DRC1: variants seen among roughly 807,000 people sequenced by gnomAD.
DRC1 encodes dynein regulatory complex protein 1.
In DRC1, 74 loss-of-function variants were observed where a neutral mutation model predicts 98.7. The observed-to-expected ratio is 0.75, with a 90% CI of 0.62 to 0.91. The LOEUF (loss-of-function observed/expected upper bound fraction) is 0.91. Ranked by LOEUF, DRC1 falls within the 40% of genes least tolerant of loss-of-function variation. The probability of loss-of-function intolerance (pLI) is 0.00; values close to 1 mark genes in which losing one functional copy is unlikely to be tolerated. For missense variants in DRC1, 875 were observed against 886.0 expected (o/e 0.99, Z 0.16); for synonymous variants, 336 against 334.1 (o/e 1.01, Z -0.06).
chr2:26,426,927 C>T (rs1663299563), intron 4 of DRC1, among the ~76,000 whole-genome samples: 1 of 152,096 alleles, frequency 6.6e-6, no homozygotes, highest in Non-Finnish European at 1.5e-5. Context: ...TTTATATCTT[C>T]TCTGATTTCT....
chr2:26,404,877 G>A (rs558036083), intron 1 of DRC1, among the ~76,000 whole-genome samples: 2 of 152,306 alleles, frequency 1.3e-5, no homozygotes, highest in South Asian at 2.1e-4. Context: ...CTCTAAGTGG[G>A]TGGGAGCATG....
chr2:26,421,557 C>CTTT lies in DRC1; in HGVS notation c.356+175_356+177dup, dbSNP rs397873833. 6.3e-4 allele frequency among the ~76,000 whole-genome samples: 76 copies of CTTT among 120,092 alleles called. 1 individual carries two copies. The highest frequency in any genetic ancestry group is 4.8e-3 in the Middle Eastern group (1 of 208). 78.8% of individuals were successfully genotyped at this position (120,092 alleles called of 152,430 possible). On this transcript the variant is annotated intron_variant, in intron 3 of 16. Transcript: ENST00000288710. The stretch of plus-strand genomic sequence containing the variant: ...TCCCTCCCTCCTCTTCTTTCTCTCT[C>CTTT]TTTTTTTTTTTTTTTTTTTTGAGAC...
intron 1 of DRC1, among the ~76,000 whole-genome samples, chr2:26,407,618 G>A (rs1678468295): frequency 6.6e-6 from 1 of 151,808 alleles, no homozygotes; most frequent in Admixed American, 6.6e-5. Flanking sequence ...ATGACAAAAG[G>A]CCAGAAGACT....
Position 26,453,493 on chromosome 2 carries a change from C to T in DRC1, c.1863C>T (p.His621=). The stretch of plus-strand genomic sequence containing the variant: ...CCCCACCCTCCCCCTGGGTCATCCA[C>T]CCCAATGATGTCCTCAAGATTCTGG... ...EETPPSPWVI[H]PNDVLKILEA... The change falls in exon 14 of 17, where the codon CAC becomes CAT. Residue 621 remains histidine, a synonymous_variant. Transcript: ENST00000288710. 6.2e-7 allele frequency: 1 copy of T among 1,614,162 alleles called. No individual in the cohort carries two copies. Among genetic ancestry groups the T allele is most frequent in the Non-Finnish European group, 8.5e-7 (1 of 1,180,038 alleles).
intron 2 of DRC1, among the ~76,000 whole-genome samples, chr2:26,416,203 A>T (rs1678797803): frequency 6.6e-6 from 1 of 152,084 alleles, no homozygotes; most frequent in African/African-American, 2.4e-5. Flanking sequence ...ATTAGTTCTG[A>T]CCTAAGATCT....
chr2:26,424,415 CT>C lies in DRC1; in HGVS notation c.503del (p.Leu168Ter), dbSNP rs1663230417. On this transcript the variant is annotated frameshift_variant, in exon 4 of 17. Coordinates refer to ENST00000288710, the MANE Select transcript of DRC1 (RefSeq NM_145038.5). LOFTEE classifies it high-confidence loss of function. Reference protein sequence around the residue: ...NTQQLHCAGLLEDKNKLISEL... With the variant: ...NTQQLHCAGLXEDKNKLISEL... Reference sequence around the variant, plus strand: ...CCCAACAGCTGCACTGTGCTGGACTCTTAGAAGATAAGAATAAACTCATCAG... The same window carrying C: ...CCCAACAGCTGCACTGTGCTGGACTCTAGAAGATAAGAATAAACTCATCAG... The C allele has an allele frequency of 6.2e-7, 1 of 1,613,026 alleles. No individual in the cohort carries two copies. Among genetic ancestry groups the C allele is most frequent in the Non-Finnish European group, 8.5e-7 (1 of 1,179,608 alleles).
At chr2:26,430,701 T>G (rs1663411401) in intron 5 of DRC1, 85 bp from the exon 6 acceptor site, 1 of 1,404,386 alleles carries the variant, frequency 7.1e-7, no homozygotes, top group Admixed American at 1.7e-5. Context: ...GATATGGCAC[T>G]TATAGTTACC....
intron 13 of DRC1, 99 bp from the exon 14 acceptor site, chr2:26,453,221 C>T: frequency 2.1e-6 from 3 of 1,447,494 alleles, no homozygotes; most frequent in Non-Finnish European, 1.9e-6. Flanking sequence ...CAAGCTGTCA[C>T]TTTCTGTAAA....
Position 26,456,593 on chromosome 2 carries a change from A to G in DRC1, c.*76A>G. 6.4e-7 allele frequency: 1 copy of G among 1,563,562 alleles called. No individual in the cohort carries two copies. Among genetic ancestry groups the G allele is most frequent in the Non-Finnish European group, 8.8e-7 (1 of 1,136,552 alleles). On this transcript the variant is annotated 3_prime_UTR_variant, in exon 17 of 17. Coordinates refer to ENST00000288710, the MANE Select transcript of DRC1 (RefSeq NM_145038.5). ...GTGCCGGAGCCAGCTCATATCACCC[A>G]CTGGGCCGCACCTGGGCCTGCTCTC...
intron 1 of DRC1, among the ~76,000 whole-genome samples, chr2:26,409,594 T>C (rs1678533015): frequency 1.3e-5 from 2 of 152,166 alleles, no homozygotes; most frequent in South Asian, 4.1e-4. Context: ...TTGGTACATC[T>C]CAGACAAGAT....
chr2:26,402,200 G>A, intron 1 of DRC1, 56 bp downstream of exon 1: 1 of 1,497,400 alleles, frequency 6.7e-7, no homozygotes, highest in South Asian at 1.3e-5. Context: ...GAGAAGGGCT[G>A]GTTTCCTGAT....
intron 1 of DRC1, among the ~76,000 whole-genome samples, chr2:26,404,325 A>C (rs1678351850): frequency 6.6e-6 from 1 of 152,140 alleles, no homozygotes; most frequent in African/African-American, 2.4e-5. Flanking sequence ...AGTGTATATC[A>C]TTGTCTGTTC....
At chr2:26,417,989 C>T (rs1275947298) in intron 2 of DRC1, among the ~76,000 whole-genome samples, 1 of 151,206 alleles carries the variant, frequency 6.6e-6, no homozygotes, top group Non-Finnish European at 1.5e-5. Flanking sequence ...TTTTTTCTTC[C>T]CTTATTGCAT....
chr2:26,424,745 A>G (rs1663240264), intron 4 of DRC1, among the ~76,000 whole-genome samples: 1 of 152,148 alleles, frequency 6.6e-6, no homozygotes, highest in African/African-American at 2.4e-5. Context: ...TGAGGTCAGG[A>G]GTTTGAGACC....
At chr2:26,435,155 A>G (rs1663537681) in intron 7 of DRC1, among the ~76,000 whole-genome samples, 1 of 152,196 alleles carries the variant, frequency 6.6e-6, no homozygotes, top group Admixed American at 6.5e-5. Flanking sequence ...CCCTGAGCCC[A>G]TGGGCAAGAG....
intron 1 of DRC1, among the ~76,000 whole-genome samples, chr2:26,404,811 G>A (rs1240064743): frequency 6.6e-6 from 1 of 152,172 alleles, no homozygotes; most frequent in Non-Finnish European, 1.5e-5. Context: ...TGCTGGCTGA[G>A]TCCACAGACT....
rs559376423 is a variant in DRC1 at position 26,447,124 on chromosome 2, AT to A, written c.1397-1566del. ...AAAAATAATAAAAATTAAAAAAAAA[AT>A]AAAAATAGGCCGGGTGCGGTGGCTC... On this transcript the variant is annotated intron_variant, in intron 10 of 16. Coordinates refer to ENST00000288710, the MANE Select transcript of DRC1 (RefSeq NM_145038.5). Among the ~76,000 whole-genome samples, 473 of 150,268 alleles carry A rather than the reference AT, an allele frequency of 3.1e-3. 1 individual carries two copies. Among genetic ancestry groups the A allele is most frequent in the African/African-American group, 0.011 (459 of 40,796 alleles).
intron 16 of DRC1, 45 bp from the exon 17 acceptor site, chr2:26,456,416 A>C: frequency 1.9e-6 from 3 of 1,608,924 alleles, no homozygotes; most frequent in Non-Finnish European, 2.6e-6. Context: ...GCAAAGAAGG[A>C]GGGCCCTGGG....
intron 7 of DRC1, 83 bp downstream of exon 7, chr2:26,432,089 C>T: frequency 1.3e-6 from 2 of 1,525,056 alleles, no homozygotes; most frequent in Non-Finnish European, 1.8e-6. Context: ...TTAGCAACTA[C>T]CTGTGATATT....
Sources: gnomAD v4.1 joint callset for allele counts (sites outside exome capture counted in the v4.1 genomes callset) on GRCh38, gnomAD v4.1.1 for gene constraint, MANE v1.5 for transcripts, NCBI Gene and HGNC (gene_info 2026-07-23, HGNC 2026-07-21) for gene names.